Variants in RARB observed in about 807,000 individuals in gnomAD.
RARB encodes the protein HBV-activated protein.
Under a neutral mutation model 51.9 loss-of-function variants are expected in RARB, and 17 were observed. The ratio of observed to expected loss-of-function variants is 0.33; its 90% confidence interval spans 0.22 to 0.49. RARB has a LOEUF of 0.49. Ranked by LOEUF, RARB falls within the 20% of genes least tolerant of loss-of-function variation. The pLI, the probability that RARB is intolerant of heterozygous loss-of-function variation, is 0.99. For synonymous variants in RARB, 215 were observed against 195.4 expected (o/e 1.10, Z -0.84); for missense variants, 369 against 550.8 (o/e 0.67, Z 3.30).
intron 2 of RARB, among the ~76,000 whole-genome samples, chr3:25,498,276 G>C (rs749029223): frequency 2.0e-5 from 3 of 151,958 alleles, no homozygotes; most frequent in Non-Finnish European, 2.9e-5. Flanking sequence ...CCCCCTACCC[G>C]CCACACACTC....
chr3:25,372,438 T>G (rs1030979280), intron 5 of RARB, among the ~76,000 whole-genome samples: 12 of 152,198 alleles, frequency 7.9e-5, no homozygotes, highest in Non-Finnish European at 1.3e-4. Flanking sequence ...AGGAGAAATT[T>G]TTGCAGGAGA....
At chr3:25,016,309 C>A (rs544884959) in intron 2 of RARB, among the ~76,000 whole-genome samples, 1 of 152,168 alleles carries the variant, frequency 6.6e-6, no homozygotes, top group Admixed American at 6.5e-5. Context: ...TTGTGTTTCT[C>A]AACTTTGCCA....
intron 5 of RARB, among the ~76,000 whole-genome samples, chr3:25,337,687 C>T (rs1029039653): frequency 4.6e-5 from 7 of 152,116 alleles, no homozygotes; most frequent in Admixed American, 4.6e-4. Context: ...CATGATCACC[C>T]TCATTAAGAT....
At chr3:25,253,802 C>T (rs1702790223) in intron 5 of RARB, among the ~76,000 whole-genome samples, 1 of 152,134 alleles carries the variant, frequency 6.6e-6, no homozygotes, top group Non-Finnish European at 1.5e-5. Flanking sequence ...TAAAAGACCC[C>T]TTTCTTTTCC....
chr3:25,515,290 A>G (rs1171719380), intron 3 of RARB, among the ~76,000 whole-genome samples: 1 of 152,242 alleles, frequency 6.6e-6, no homozygotes. Context: ...ATGTTTGTGA[A>G]ATGTGAAGCA....
At chr3:24,877,510 T>C (rs1343968049) in intron 2 of RARB, among the ~76,000 whole-genome samples, 1 of 151,676 alleles carries the variant, frequency 6.6e-6, no homozygotes, top group Non-Finnish European at 1.5e-5. Context: ...GACTTCATCC[T>C]CCTACACAAA....
At chr3:25,198,856 C>G (rs543477330) in intron 5 of RARB, among the ~76,000 whole-genome samples, 113 of 152,182 alleles carry the variant, frequency 7.4e-4, no homozygotes, top group African/African-American at 2.5e-3. Flanking sequence ...TAAATTAATA[C>G]AACCACTGTG....
At chr3:25,302,581 C>T (rs1466516444) in intron 5 of RARB, among the ~76,000 whole-genome samples, 1 of 152,154 alleles carries the variant, frequency 6.6e-6, no homozygotes, top group Non-Finnish European at 1.5e-5. Flanking sequence ...AGTAGATTAG[C>T]AGCTTCCAGG....
chr3:25,102,459 G>C (rs1483394480), intron 3 of RARB, among the ~76,000 whole-genome samples: 1 of 151,956 alleles, frequency 6.6e-6, no homozygotes, highest in Non-Finnish European at 1.5e-5. Context: ...AGAATCACTT[G>C]AACCCGGGAG....
At chr3:25,427,590 T>G (rs1364298551), upstream of RARB, among the ~76,000 whole-genome samples, 3 of 152,200 alleles carry the variant, frequency 2.0e-5, no homozygotes, top group Non-Finnish European at 4.4e-5. Context: ...CTACTCTATA[T>G]GCTGCATAGA....
intron 2 of RARB, among the ~76,000 whole-genome samples, chr3:24,864,283 T>G (rs1370982087): frequency 6.6e-6 from 1 of 152,190 alleles, no homozygotes; most frequent in Non-Finnish European, 1.5e-5. Context: ...ATCCATCCTT[T>G]GCTGTGTTTA....
chr3:25,539,517 A>C (rs1699280637), intron 3 of RARB, among the ~76,000 whole-genome samples: 4 of 131,136 alleles, frequency 3.1e-5, no homozygotes, highest in South Asian at 2.5e-4. Flanking sequence ...CCACCTGGCC[A>C]CACTCTCTCT....
chr3:25,404,840 C>T (rs1305780511), intron 5 of RARB, among the ~76,000 whole-genome samples: 1 of 152,186 alleles, frequency 6.6e-6, no homozygotes, highest in East Asian at 1.9e-4. Context: ...CCTACTGAAC[C>T]TCCAACCCAG....
intron 5 of RARB, among the ~76,000 whole-genome samples, chr3:25,234,672 A>G (rs567696254): frequency 6.6e-5 from 10 of 152,200 alleles, no homozygotes; most frequent in South Asian, 2.1e-4. Flanking sequence ...TCTCGTCCCA[A>G]ATAGTTCCCT....
At chr3:25,180,037 A>G (rs1449793796) in intron 5 of RARB, among the ~76,000 whole-genome samples, 1 of 152,172 alleles carries the variant, frequency 6.6e-6, no homozygotes, top group Non-Finnish European at 1.5e-5. Context: ...AAACAAAAAG[A>G]ATATCATTCA....
intron 1 of RARB, among the ~76,000 whole-genome samples, chr3:25,460,464 T>TTTATTTA (rs1559414270): frequency 2.2e-4 from 16 of 73,604 alleles, no homozygotes; most frequent in Non-Finnish European, 3.8e-4. Flanking sequence ...TTATTTATTT[T>TTTATTTA]TGAGACGGAG....
intron 3 of RARB, among the ~76,000 whole-genome samples, chr3:25,105,993 A>G (rs1362110215): frequency 1.3e-5 from 2 of 152,298 alleles, no homozygotes; most frequent in South Asian, 2.1e-4. Context: ...CAGGAAAGCA[A>G]TTCAGATCAT....
In RARB at chr3:25,597,385, CTTGT is replaced by C. The variant is rs1365572635; in HGVS notation, c.*772_*775del. On this transcript the variant is annotated 3_prime_UTR_variant, in exon 8 of 8. Transcript: ENST00000330688. ...ACTTTAAATTAAAAGTGGTTTATTA[CTTGT>C]TTAATGACATAACTACACAGTTAGT... The C allele has an allele frequency of 3.4e-5, 5 of 148,180 alleles. No homozygotes were observed. The highest frequency in any genetic ancestry group is 5.1e-5 in the African/African-American group (2 of 39,448). 9.2% of individuals were successfully genotyped at this position (148,180 alleles called of 1,614,324 possible). A position where few individuals can be genotyped will look rare whatever the true frequency, so the allele number is the denominator to read the frequency against.
At chr3:25,176,509 C>G (rs981815376) in intron 5 of RARB, among the ~76,000 whole-genome samples, 1 of 151,194 alleles carries the variant, frequency 6.6e-6, no homozygotes, top group African/African-American at 2.4e-5. Flanking sequence ...GTTTCTCCCA[C>G]CTCAACCCTC....
Sources: gnomAD v4.1 joint callset for allele counts (sites outside exome capture counted in the v4.1 genomes callset) on GRCh38, gnomAD v4.1.1 for gene constraint, MANE v1.5 for transcripts, NCBI Gene and HGNC (gene_info 2026-07-23, HGNC 2026-07-21) for gene names.